The following MYCBP2 variants were observed in gnomAD, a reference collection of about 807,000 sequenced individuals.
The protein encoded by MYCBP2 is MYC binding protein 2, also known as E3 ubiquitin-protein ligase MYCBP2.
Under a neutral mutation model 525.3 loss-of-function variants are expected in MYCBP2, and 120 were observed. That is an observed-to-expected ratio of 0.23 (90% CI 0.20 to 0.27). MYCBP2 has a LOEUF of 0.27. Among genes scored for constraint, MYCBP2 ranks in the 10% least tolerant of loss-of-function variants. MYCBP2 has a pLI of 1.00. For missense variants in MYCBP2, 4,149 were observed against 5,657.1 expected (o/e 0.73, Z 8.55); for synonymous variants, 1,894 against 1,955.8 (o/e 0.97, Z 0.83).
At position 77,098,109 on chromosome 13, in the gene MYCBP2, A is replaced by C. The variant is rs941171007; in HGVS notation, c.9045T>G (p.Pro3015=). ...SFLFKGDGSK[P]LEPAKQAMSP... is the part of the protein sequence containing the mutation. ...ACATGGCTTGCTTGGCTGGCTCTAA[A>C]GGCTTGGATCCATCTCCTTTGAAAA... Residue 3015 remains proline, a synonymous_variant, in exon 56 of 83, where the codon CCT becomes CCG. Coordinates refer to ENST00000544440, the MANE Select transcript of MYCBP2 (RefSeq NM_015057.5). 8 of 1,613,476 alleles carry C rather than the reference A, an allele frequency of 5.0e-6. No individual in the cohort carries two copies. The highest frequency in any genetic ancestry group is 6.8e-6 in the Non-Finnish European group (8 of 1,179,760).
intron 68 of MYCBP2, among the ~76,000 whole-genome samples, 199 bp downstream of exon 68, chr13:77,076,552 C>G (rs938181169): frequency 6.6e-6 from 1 of 151,990 alleles, no homozygotes; most frequent in Non-Finnish European, 1.5e-5. Flanking sequence ...AGCAAATTTG[C>G]TGTTACTTAA....
intron 79 of MYCBP2, 34 bp from the exon 80 acceptor site, chr13:77,055,801 C>A: frequency 6.7e-7 from 1 of 1,493,100 alleles, no homozygotes; most frequent in South Asian, 1.2e-5. Context: ...TTAGCAGAAT[C>A]ATTTATTAAC....
At position 77,174,390 on chromosome 13, in the gene MYCBP2, A is replaced by T. The variant is rs1394303752; in HGVS notation, c.5572T>A (p.Phe1858Ile). The change falls in exon 37 of 83, where the codon TTC becomes ATC. Residue 1858 changes from phenylalanine (F) to isoleucine (I), a missense_variant. By Grantham distance (21) the Phe-to-Ile change is conservative. Transcript: ENST00000544440. The stretch of plus-strand genomic sequence containing the variant: ...CTCAAGCTGCACGTGCTGAATGTGA[A>T]TGTCACACCATCAGGGCACTGAACT... ...TTVQCPDGVTFTFSTCSLSSN... is the reference protein window; with the variant it reads ...TTVQCPDGVTITFSTCSLSSN... 1 of 1,614,118 alleles carries T rather than the reference A, an allele frequency of 6.2e-7. No individual in the cohort carries two copies. Among genetic ancestry groups the T allele is most frequent in the Non-Finnish European group, 8.5e-7 (1 of 1,180,020 alleles).
intron 25 of MYCBP2, 22 bp from the exon 26 acceptor site, chr13:77,205,405 C>T: frequency 6.2e-7 from 1 of 1,611,710 alleles, no homozygotes; most frequent in Non-Finnish European, 8.5e-7. Flanking sequence ...AAATCATAAT[C>T]TATGTTTTAA....
In MYCBP2 at chr13:77,093,309, C is replaced by A; in HGVS notation, c.10223G>T (p.Gly3408Val). 4 of 1,613,062 alleles carry A rather than the reference C, an allele frequency of 2.5e-6. No individual in the cohort carries two copies. Among genetic ancestry groups the A allele is most frequent in the Non-Finnish European group, 3.4e-6 (4 of 1,179,426 alleles). ...CTGGAATAGATTGTCATCTTGATAG[C>A]CCACAAAATTTTCATGATGATGCCT... The part of the protein sequence containing the change: ...LARHHHENFV[G>V]YQDDNLFQDE... The change falls in exon 59 of 83, where the codon GGC becomes GTC. Residue 3408 changes from glycine to valine, a missense_variant. Around this residue, in one of 21 missense-constraint regions of MYCBP2, gnomAD observed 509 missense variants for 789.4 expected, o/e 0.64. Coordinates refer to ENST00000544440, the MANE Select transcript of MYCBP2 (RefSeq NM_015057.5).
intron 29 of MYCBP2, among the ~76,000 whole-genome samples, chr13:77,189,351 T>C (rs1282607808): frequency 6.6e-6 from 1 of 152,174 alleles, no homozygotes; most frequent in East Asian, 1.9e-4. Context: ...CTACTATTAA[T>C]GCTGTTATTT....
intron 1 of MYCBP2, among the ~76,000 whole-genome samples, chr13:77,313,731 T>C (rs941817482): frequency 6.6e-6 from 1 of 151,986 alleles, no homozygotes; most frequent in African/African-American, 2.4e-5. Context: ...AGGACTGTTA[T>C]CCAAAATACC....
rs1484863383 is a variant in MYCBP2 at position 77,150,740 on chromosome 13, C to A, written c.7125G>T (p.Met2375Ile). ...GATAAGTAAAATAAATTACCTTCATCATTGTTATGGCAATATATCGAGCTT... is the reference window on the plus strand; with the variant it reads ...GATAAGTAAAATAAATTACCTTCATAATTGTTATGGCAATATATCGAGCTT... ...VKEARYIAIT[M>I]MKVYENYSFE... Residue 2375 changes from methionine to isoleucine, a missense_variant, in exon 47 of 83, where the codon ATG becomes ATT. By Grantham distance (10) the Met-to-Ile change is conservative. Transcript: ENST00000544440. 1 of 1,610,870 alleles carries A rather than the reference C, an allele frequency of 6.2e-7. No homozygotes were observed. The highest frequency in any genetic ancestry group is 1.7e-5 in the Admixed American group (1 of 59,442).
intron 2 of MYCBP2, among the ~76,000 whole-genome samples, chr13:77,292,958 C>CAAAAA (rs548135428): frequency 4.9e-5 from 3 of 61,190 alleles, no homozygotes; most frequent in East Asian, 4.7e-4. Flanking sequence ...GACTCCGTCT[C>CAAAAA]AAAAAAAAAA....
At chr13:77,238,014 C>T (rs1168389610) in intron 17 of MYCBP2, among the ~76,000 whole-genome samples, 2 of 151,896 alleles carry the variant, frequency 1.3e-5, no homozygotes, top group Non-Finnish European at 2.9e-5. Flanking sequence ...GAGGCCAAGG[C>T]AGGCGGATTA....
At position 77,081,734 on chromosome 13, in the gene MYCBP2, A is replaced by G; in HGVS notation, c.11194-83T>C. 2.0e-6 allele frequency: 3 copies of G among 1,532,842 alleles called. No homozygotes were observed. Among genetic ancestry groups the G allele is most frequent in the Non-Finnish European group, 2.6e-6 (3 of 1,135,820 alleles). 95.0% of individuals were successfully genotyped at this position (1,532,842 alleles called of 1,614,324 possible). Reference sequence around the variant, plus strand: ...AAAACAAACAGGTATAAGATAAAACATAATGGAAGACAGGATCAAATTGAT... The same window carrying G: ...AAAACAAACAGGTATAAGATAAAACGTAATGGAAGACAGGATCAAATTGAT... On this transcript the variant is annotated intron_variant, in intron 64 of 82. Transcript: ENST00000544440. This position sits in a 1 kb window ranked among gnomAD's most constrained non-coding sequence, Gnocchi z 4.6.
At chr13:77,215,226 G>T in intron 21 of MYCBP2, among the ~76,000 whole-genome samples, 1 of 152,066 alleles carries the variant, frequency 6.6e-6, no homozygotes, top group East Asian at 1.9e-4. Context: ...ATCTTAAACT[G>T]AAACAAATGA....
chr13:77,307,285 T>A (rs1339449788), intron 1 of MYCBP2, among the ~76,000 whole-genome samples: 4 of 152,092 alleles, frequency 2.6e-5, no homozygotes, highest in Non-Finnish European at 5.9e-5. Flanking sequence ...CATACATCCC[T>A]CTCTTTGTTT....
chr13:77,179,251 T>G (rs2059992581), intron 34 of MYCBP2, among the ~76,000 whole-genome samples: 1 of 152,188 alleles, frequency 6.6e-6, no homozygotes, highest in South Asian at 2.1e-4. Flanking sequence ...GAAAAGAAGT[T>G]CCTTGACAAG....
chr13:77,235,209 C>T (rs563805065), intron 17 of MYCBP2, among the ~76,000 whole-genome samples: 2 of 151,916 alleles, frequency 1.3e-5, no homozygotes, highest in South Asian at 4.1e-4. Flanking sequence ...AATAAAAACA[C>T]AAACTATGAA....
chr13:77,098,055 A>T lies in MYCBP2; in HGVS notation c.9099T>A (p.Ala3033=). The T allele has an allele frequency of 6.2e-7, 1 of 1,613,638 alleles. No individual in the cohort carries two copies. The highest frequency in any genetic ancestry group is 8.5e-7 in the Non-Finnish European group (1 of 1,179,794). ...MSPSVAECAR[A]VFASFLWHEG... ...CATGCCAGAGGAAGGAAGCAAACAC[A>T]GCTCTGGCACATTCGGCCACAGAAG... The change falls in exon 56 of 83, where the codon GCT becomes GCA. Residue 3033 remains alanine (A), a synonymous_variant. Coordinates refer to ENST00000544440, the MANE Select transcript of MYCBP2 (RefSeq NM_015057.5).
chr13:77,183,688 A>G (rs1213762564), intron 32 of MYCBP2, among the ~76,000 whole-genome samples: 2 of 151,156 alleles, frequency 1.3e-5, no homozygotes. Flanking sequence ...AGTAGCTGAG[A>G]TTACAGCTGT....
intron 45 of MYCBP2, 81 bp from the exon 46 acceptor site, chr13:77,156,283 T>C (rs2057206664): frequency 2.6e-5 from 35 of 1,327,210 alleles, no homozygotes; most frequent in Non-Finnish European, 3.5e-5. Flanking sequence ...TTAAGCCAAA[T>C]GAACAAAACT....
intron 4 of MYCBP2, among the ~76,000 whole-genome samples, chr13:77,277,081 G>A (rs774419296): frequency 7.2e-5 from 11 of 152,126 alleles, no homozygotes; most frequent in Non-Finnish European, 1.3e-4. Context: ...TGGATACAAA[G>A]GAAAGTATAT....
Sources: allele counts gnomAD v4.1 joint callset (sites outside exome capture counted in the v4.1 genomes callset), GRCh38; gene constraint gnomAD v4.1.1; regional missense constraint gnomAD v4.1.1; non-coding constraint Gnocchi (gnomAD v3.1); transcripts MANE v1.5; gene names NCBI Gene and HGNC (gene_info 2026-07-23, HGNC 2026-07-21).